LONP1: variants seen among roughly 807,000 people sequenced by gnomAD.
LONP1 encodes the protein lon peptidase 1, mitochondrial, also known as lon protease homolog, mitochondrial.
LONP1 carries 31 observed loss-of-function variants against 98.5 expected under a neutral mutation model. The ratio of observed to expected loss-of-function variants is 0.31; its 90% CI spans 0.24 to 0.42. LONP1 has a LOEUF of 0.42. Ranked by LOEUF, LONP1 falls within the 20% of genes least tolerant of loss-of-function variation. LONP1 has a pLI of 1.00. For missense variants in LONP1, 1,336 were observed against 1,350.6 expected (o/e 0.99, Z 0.17); for synonymous variants, 781 against 594.7 (o/e 1.31, Z -4.56).
At position 5,691,923 on chromosome 19, in the gene LONP1, AGCT is replaced by A; in HGVS notation, c.*106_*108del. 1 of 1,261,580 alleles carries A rather than the reference AGCT, an allele frequency of 7.9e-7. No individual in the cohort carries two copies. Among genetic ancestry groups the A allele is most frequent in the Non-Finnish European group, 1.1e-6 (1 of 921,940 alleles). 78.1% of individuals were successfully genotyped at this position (1,261,580 alleles called of 1,614,324 possible). A position where few individuals can be genotyped will look rare whatever the true frequency, so the allele number is the denominator to read the frequency against. On this transcript the variant is annotated 3_prime_UTR_variant, in exon 18 of 18. Transcript: ENST00000360614. ...CCCTGGGATCTGGGTCACTGGACCGAGCTGCTCGCTCGGTGGCTCCACTGCCAG... is the reference window on the plus strand; with the variant it reads ...CCCTGGGATCTGGGTCACTGGACCGAGCTCGCTCGGTGGCTCCACTGCCAG...
At chr19:5,700,745 G>C (rs773834557) in intron 9 of LONP1, 44 bp downstream of exon 9, 6 of 1,609,794 alleles carry the variant, frequency 3.7e-6, no homozygotes, top group Non-Finnish European at 5.1e-6. Context: ...CCTGGGCCCG[G>C]GCACCCACAT....
At chr19:5,709,907 CAAAAAAA>C (rs755774542) in intron 4 of LONP1, among the ~76,000 whole-genome samples, 36 of 38,668 alleles carry the variant, frequency 9.3e-4, no homozygotes, top group Admixed American at 2.5e-3. Flanking sequence ...GGCTCCATCT[CAAAAAAA>C]AAAAAAAAAA....
At position 5,700,935 on chromosome 19, in the gene LONP1, G is replaced by C; in HGVS notation, c.1368-8C>G. On this transcript the variant is annotated splice_region_variant and splice_polypyrimidine_tract_variant and intron_variant, in intron 8 of 17. Transcript: ENST00000360614. ...AGGTAGTTGCGGGTGACACTGCCAG[G>C]GGACAGATGGAGAGATGCTGAGTGG... 6.2e-7 allele frequency: 1 copy of C among 1,614,098 alleles called. No individual in the cohort carries two copies. The highest frequency in any genetic ancestry group is 8.5e-7 in the Non-Finnish European group (1 of 1,179,994).
At chr19:5,708,595 CACAGG>C (rs2055186192) in intron 4 of LONP1, 192 bp from the exon 5 acceptor site, 6 of 591,700 alleles carry the variant, frequency 1.0e-5, no homozygotes, top group South Asian at 9.9e-5. Context: ...GTCCCAGGGA[CACAGG>C]ACCAAGAGAG....
In LONP1 at chr19:5,696,483, A is replaced by G. The variant is rs2054931335; in HGVS notation, c.1774-112T>C. ...GACCCCGAGTGAGAGCGGCACCCAC[A>G]CCCTGCCTTGGACGGGCAGCCTGCT... On this transcript the variant is annotated intron_variant, in intron 11 of 17. Transcript: ENST00000360614. 7.3e-5 allele frequency: 105 copies of G among 1,446,532 alleles called. 2 individuals carry two copies. The South Asian group carries it at 1.3e-3, about 18-fold the overall frequency. 89.6% of individuals were successfully genotyped at this position (1,446,532 alleles called of 1,614,324 possible).
intron 10 of LONP1, among the ~76,000 whole-genome samples, chr19:5,697,566 AGAGG>A (rs2054960599): frequency 1.6e-5 from 1 of 60,886 alleles, no homozygotes; most frequent in Admixed American, 2.2e-4. Flanking sequence ...GGAAGGGGGT[AGAGG>A]GAGGGGGAGG....
chr19:5,704,462 A>T (rs904694149), intron 8 of LONP1, among the ~76,000 whole-genome samples: 10 of 152,238 alleles, frequency 6.6e-5, no homozygotes, highest in Admixed American at 3.3e-4. Context: ...GTGACATTCA[A>T]ATCTGAGGCG....
rs201351681 is a variant in LONP1, at chr19:5,707,688, A to C, written c.1062+9T>G. The C allele has an allele frequency of 6.2e-7, 1 of 1,604,760 alleles. No individual in the cohort carries two copies. ...GGCGTGGGGGGCTGTGGAGGTGACGAGCACTCACATTGGTCTCTTCCAGGA... is the reference window on the plus strand; with the variant it reads ...GGCGTGGGGGGCTGTGGAGGTGACGCGCACTCACATTGGTCTCTTCCAGGA... On this transcript the variant is annotated intron_variant, in intron 6 of 17. Coordinates refer to ENST00000360614, the MANE Select transcript of LONP1 (RefSeq NM_004793.4).
chr19:5,702,196 G>A (rs1378163474), intron 8 of LONP1, among the ~76,000 whole-genome samples: 1 of 150,818 alleles, frequency 6.6e-6, no homozygotes, highest in Non-Finnish European at 1.5e-5. Context: ...CCCTCCGGGA[G>A]GGAGGAGTGG....
chr19:5,714,084 G>T, intron 2 of LONP1, 99 bp downstream of exon 2: 3 of 871,562 alleles, frequency 3.4e-6, no homozygotes, highest in Non-Finnish European at 1.8e-6. Flanking sequence ...TGGTTTCCTC[G>T]GGGTCAGGGG....
At chr19:5,709,907 C>CAAAAAAAAAAAAAAAAAAA (rs755774542) in intron 4 of LONP1, among the ~76,000 whole-genome samples, 7 of 38,680 alleles carry the variant, frequency 1.8e-4, no homozygotes, top group Non-Finnish European at 2.1e-4. Context: ...GGCTCCATCT[C>CAAAAAAAAAAAAAAAAAAA]AAAAAAAAAA....
At chr19:5,708,710 A>G (rs2055188575) in intron 4 of LONP1, 4 of 301,194 alleles carry the variant, frequency 1.3e-5, no homozygotes, top group East Asian at 5.2e-5. Context: ...TCTTTCCTCC[A>G]TTTTTTAAGA....
chr19:5,693,637 T>C lies in LONP1; in HGVS notation c.2453A>G (p.Tyr818Cys). The change falls in exon 16 of 18, where the codon TAC (tyrosine) becomes TGC (cysteine). Residue 818 changes from tyrosine to cysteine, a missense_variant. By Grantham distance (194) the Tyr-to-Cys change is radical. Coordinates refer to ENST00000360614, the MANE Select transcript of LONP1 (RefSeq NM_004793.4). ...EVMKESARIAYTFARAFLMQH... is the reference protein window; with the variant it reads ...EVMKESARIACTFARAFLMQH... The stretch of plus-strand genomic sequence containing the variant: ...CATGAGGAAGGCTCTGGCGAAGGTG[T>C]AGGCTATGCGGGCGCTCTCCTTCAT... 3 of 1,614,034 alleles carry C rather than the reference T, an allele frequency of 1.9e-6. No homozygotes were observed. The highest frequency in any genetic ancestry group is 1.7e-5 in the Admixed American group (1 of 60,012).
In LONP1 at chr19:5,711,758, C is replaced by G; in HGVS notation, c.870+13G>C. ...AGGCAGCTGTGGCCGCCCTGCGTGA[C>G]GCACGGACTCACTTTCACCTCCTCC... On this transcript the variant is annotated intron_variant, in intron 4 of 17. Transcript: ENST00000360614. 6.3e-7 allele frequency: 1 copy of G among 1,598,880 alleles called. No homozygotes were observed. Among genetic ancestry groups the G allele is most frequent in the Non-Finnish European group, 8.5e-7 (1 of 1,170,066 alleles).
chr19:5,708,315 TG>T, intron 5 of LONP1, 26 bp downstream of exon 5: 1 of 1,591,496 alleles, frequency 6.3e-7, no homozygotes. Flanking sequence ...TGCCCCCGCC[TG>T]GCCAGCTGCC....
chr19:5,715,596 C>A (rs954739116), intron 1 of LONP1, among the ~76,000 whole-genome samples: 3 of 122,098 alleles, frequency 2.5e-5, no homozygotes, highest in African/African-American at 6.2e-5. Context: ...GAGCCAAGAT[C>A]ACGCCACTGC....
intron 9 of LONP1, among the ~76,000 whole-genome samples, chr19:5,699,998 G>A (rs1430264256): frequency 4.6e-5 from 7 of 152,156 alleles, no homozygotes; most frequent in Non-Finnish European, 8.8e-5. Flanking sequence ...GGAGTGTAGT[G>A]GTGCATCACA....
chr19:5,710,251 A>ATT (rs968637704), intron 4 of LONP1, among the ~76,000 whole-genome samples: 1 of 150,454 alleles, frequency 6.6e-6, no homozygotes, highest in Non-Finnish European at 1.5e-5. Flanking sequence ...CACCTGGCTA[A>ATT]TTTTTTTTTG....
rs756740185 is a variant in LONP1 at position 5,705,765 on chromosome 19, C to T, written c.1367+7G>A. On this transcript the variant is annotated splice_region_variant and intron_variant, in intron 8 of 17. Transcript: ENST00000360614. Reference sequence around the variant, plus strand: ...GAGGGCTGGGCCGCCCCGGGCCTGGCACTCACTTGAACTCCGAGGAGTGGT... The same window carrying T: ...GAGGGCTGGGCCGCCCCGGGCCTGGTACTCACTTGAACTCCGAGGAGTGGT... The T allele has an allele frequency of 1.7e-5, 28 of 1,613,508 alleles. No homozygotes were observed. Among genetic ancestry groups the T allele is most frequent in the Non-Finnish European group, 1.9e-5 (22 of 1,179,848 alleles).
Sources: gnomAD v4.1 joint callset for allele counts (sites outside exome capture counted in the v4.1 genomes callset) on GRCh38, gnomAD v4.1.1 for gene constraint, MANE v1.5 for transcripts, NCBI Gene and HGNC (gene_info 2026-07-23, HGNC 2026-07-21) for gene names.